CCDC171: variants seen among roughly 807,000 people sequenced by gnomAD.
CCDC171 encodes coiled-coil domain containing 171, also known as coiled-coil domain-containing protein 171.
A neutral mutation model predicts 168.2 loss-of-function variants in CCDC171; 177 were observed. The observed-to-expected ratio is 1.05, with a 90% confidence interval of 0.93 to 1.19. CCDC171 has a LOEUF of 1.19. CCDC171 is among the 50% of genes most tolerant of loss of function. The pLI, the probability that CCDC171 is intolerant of heterozygous loss-of-function variation, is 0.00. For missense variants in CCDC171, 1,991 were observed against 1,539.0 expected, an observed-to-expected ratio of 1.29 and a Z score of -4.91; for synonymous variants, 687 against 540.8, an observed-to-expected ratio of 1.27 and a Z score of -3.75.
chr9:15,795,200 TG>T (rs971613989), intron 21 of CCDC171, among the ~76,000 whole-genome samples: 10 of 152,162 alleles, frequency 6.6e-5, no homozygotes, highest in African/African-American at 2.4e-4. Flanking sequence ...TTGCATTCTC[TG>T]GGGGAAGGAA....
chr9:15,560,608 T>G (rs771175877), intron 1 of CCDC171, among the ~76,000 whole-genome samples: 9 of 152,150 alleles, frequency 5.9e-5, no homozygotes, highest in Non-Finnish European at 2.9e-5. Flanking sequence ...CTACACTGTT[T>G]ATTCTAGTTA....
At chr9:15,969,312 G>T (rs1258841746) in intron 25 of CCDC171, among the ~76,000 whole-genome samples, 5 of 152,134 alleles carry the variant, frequency 3.3e-5, no homozygotes, top group African/African-American at 1.2e-4. Flanking sequence ...AGAGAAATGA[G>T]CAGTTAGTAG....
At chr9:15,914,968 G>C (rs1216889730) in intron 24 of CCDC171, among the ~76,000 whole-genome samples, 1 of 152,020 alleles carries the variant, frequency 6.6e-6, no homozygotes, top group African/African-American at 2.4e-5. Flanking sequence ...ACCCTCTGTG[G>C]GCTGTACCCA....
At chr9:15,621,235 G>C (rs994897804) in intron 6 of CCDC171, among the ~76,000 whole-genome samples, 1 of 152,118 alleles carries the variant, frequency 6.6e-6, no homozygotes. Context: ...CCAAAGTACT[G>C]GGATTACAGG....
chr9:15,847,225 A>G (rs961989751), intron 22 of CCDC171, among the ~76,000 whole-genome samples: 5 of 152,076 alleles, frequency 3.3e-5, no homozygotes, highest in Admixed American at 6.6e-5. Context: ...TTTGTTCTGC[A>G]TATATTATTA....
chr9:16,006,245 A>G (rs577491097), intron 3 of CCDC171, among the ~76,000 whole-genome samples: 1 of 152,206 alleles, frequency 6.6e-6, no homozygotes, highest in South Asian at 2.1e-4. Flanking sequence ...GTTTCCCCAC[A>G]TCCTAACACT....
chr9:16,105,525 C>G, the CCDC171 span, among the ~76,000 whole-genome samples: 1 of 152,102 alleles, frequency 6.6e-6, no homozygotes, highest in African/African-American at 2.4e-5. Context: ...GCTTGATGGC[C>G]TCGTAATTGT....
At chr9:15,959,092 A>G (rs1205632769) in intron 25 of CCDC171, among the ~76,000 whole-genome samples, 9 of 152,140 alleles carry the variant, frequency 5.9e-5, no homozygotes, top group Non-Finnish European at 2.9e-5. Context: ...GGCCACTTAC[A>G]CACACTTGCT....
chr9:15,693,715 T>C (rs944034917), intron 10 of CCDC171, among the ~76,000 whole-genome samples: 1 of 152,158 alleles, frequency 6.6e-6, no homozygotes. Flanking sequence ...AAGTTTGTCT[T>C]ATAATATCTA....
intron 18 of CCDC171, among the ~76,000 whole-genome samples, chr9:15,769,069 A>T (rs182157078): frequency 2.6e-5 from 4 of 152,372 alleles, no homozygotes; most frequent in Admixed American, 2.6e-4. Context: ...ATGTCTCCAG[A>T]CATATGAGAA....
At chr9:15,904,202 G>A (rs1822156672) in intron 24 of CCDC171, among the ~76,000 whole-genome samples, 1 of 152,056 alleles carries the variant, frequency 6.6e-6, no homozygotes, top group Admixed American at 6.6e-5. Context: ...CTCGAGAAGA[G>A]CAACTCCAAG....
At chr9:16,091,239 C>A in the CCDC171 span, among the ~76,000 whole-genome samples, 1 of 152,220 alleles carries the variant, frequency 6.6e-6, no homozygotes, top group Non-Finnish European at 1.5e-5. Flanking sequence ...AGATAGTGCA[C>A]AGGAAGAGAT....
chr9:15,668,520 C>G (rs2048887817), intron 9 of CCDC171, among the ~76,000 whole-genome samples: 2 of 152,054 alleles, frequency 1.3e-5, no homozygotes, highest in South Asian at 4.2e-4. Context: ...TCCCTTATAT[C>G]TTCTTCATCT....
intron 23 of CCDC171, among the ~76,000 whole-genome samples, chr9:15,863,297 G>A (rs1588902744): frequency 6.6e-6 from 1 of 152,102 alleles, no homozygotes; most frequent in Middle Eastern, 3.4e-3. Context: ...TGGTTTCAAT[G>A]TGACTGATTT....
At chr9:15,860,683 C>A (rs2061520684) in intron 23 of CCDC171, among the ~76,000 whole-genome samples, 1 of 151,782 alleles carries the variant, frequency 6.6e-6, no homozygotes, top group Non-Finnish European at 1.5e-5. Context: ...ATGATATATC[C>A]TGGAAAATGA....
At chr9:15,770,166 TTA>T (rs1248146964) in intron 18 of CCDC171, among the ~76,000 whole-genome samples, 1 of 152,190 alleles carries the variant, frequency 6.6e-6, no homozygotes, top group East Asian at 1.9e-4. Context: ...ATCAGGACTT[TTA>T]TCACTTTTAA....
chr9:15,883,672 T>G (rs1228020538), intron 24 of CCDC171, among the ~76,000 whole-genome samples: 1 of 152,220 alleles, frequency 6.6e-6, no homozygotes, highest in Non-Finnish European at 1.5e-5. Context: ...TGCTACAGTT[T>G]TAAAGAATCT....
chr9:16,056,820 TATAAG>T (rs1425551121), intron 1 of CCDC171, among the ~76,000 whole-genome samples: 1 of 152,128 alleles, frequency 6.6e-6, no homozygotes, highest in African/African-American at 2.4e-5. Flanking sequence ...TAAAAAATAA[TATAAG>T]AGAAGATGAA....
chr9:15,678,917 C>T (rs367869682), intron 10 of CCDC171, 21 bp downstream of exon 10: 1 of 1,547,932 alleles, frequency 6.5e-7, no homozygotes. Flanking sequence ...AAAAGAAAAC[C>T]CTATGGAAAT....
Sources: allele counts gnomAD v4.1 joint callset (sites outside exome capture counted in the v4.1 genomes callset), GRCh38; gene constraint gnomAD v4.1.1; transcripts MANE v1.5; gene names NCBI Gene and HGNC (gene_info 2026-07-23, HGNC 2026-07-21).